ALKBH8: variants seen among roughly 807,000 people sequenced by gnomAD.
ALKBH8 encodes tRNA (carboxymethyluridine(34)-5-O)-methyltransferase ALKBH8.
In ALKBH8, 36 loss-of-function variants were observed where a neutral mutation model predicts 59.8. The observed-to-expected ratio is 0.60, with a 90% CI of 0.46 to 0.79. ALKBH8 has a LOEUF of 0.79. Among genes scored for constraint, ALKBH8 ranks in the 30% least tolerant of loss-of-function variants. The pLI is 0.00. For synonymous variants in ALKBH8, 276 were observed against 273.6 expected (o/e 1.01, Z -0.09); for missense variants, 768 against 801.0 (o/e 0.96, Z 0.50).
At chr11:107,528,062 C>T (rs1298518287) in intron 8 of ALKBH8, among the ~76,000 whole-genome samples, 1 of 152,054 alleles carries the variant, frequency 6.6e-6, no homozygotes, top group Non-Finnish European at 1.5e-5. Flanking sequence ...TTGCATCAAT[C>T]AAGATGATTA....
At chr11:107,523,253 T>C (rs1784274) in intron 9 of ALKBH8, among the ~76,000 whole-genome samples, 81,172 of 151,876 alleles carry the variant, frequency 0.53, 22,326 homozygotes, top group African/African-American at 0.57. Flanking sequence ...ATGGTACATA[T>C]ACACAACAGA....
intron 7 of ALKBH8, among the ~76,000 whole-genome samples, chr11:107,540,534 C>T (rs541401552): frequency 1.3e-5 from 2 of 152,274 alleles, no homozygotes; most frequent in African/African-American, 2.4e-5. Flanking sequence ...AAAGAAAATG[C>T]TAAATTGGAG....
intron 5 of ALKBH8, among the ~76,000 whole-genome samples, chr11:107,552,670 T>C (rs928706449): frequency 1.3e-5 from 2 of 152,202 alleles, no homozygotes; most frequent in African/African-American, 4.8e-5. Context: ...AATTTGTCAG[T>C]ATCAATTAAC....
chr11:107,565,428 C>T, intron 1 of ALKBH8, 173 bp downstream of exon 1: 1 of 815,740 alleles, frequency 1.2e-6, no homozygotes, highest in Non-Finnish European at 1.9e-6. Context: ...AGAGAACCAC[C>T]CAACGCAGAC....
intron 1 of ALKBH8, chr11:107,565,179 C>A (rs1865081438): frequency 1.1e-5 from 2 of 183,478 alleles, no homozygotes; most frequent in South Asian, 3.1e-4. Flanking sequence ...CCAGGAGTCG[C>A]AGGGATTGCT....
intron 6 of ALKBH8, among the ~76,000 whole-genome samples, chr11:107,551,419 C>T (rs779709807): frequency 7.2e-5 from 11 of 152,172 alleles, no homozygotes; most frequent in South Asian, 4.2e-4. Context: ...CTTGGCTGGG[C>T]GCGGTGGCTC....
rs1278739889 is a variant in ALKBH8 at position 107,511,062 on chromosome 11, C to G, written c.1288-26G>C. On this transcript the variant is annotated intron_variant, in intron 10 of 11. Transcript: ENST00000428149. The stretch of plus-strand genomic sequence containing the variant: ...CTGTAACAGAGAAGGAATTCCATAA[C>G]ATTTTGTTTAAATTTCACATGAAAT... 31 of 1,549,996 alleles carry G rather than the reference C, an allele frequency of 2.0e-5. No individual in the cohort carries two copies. The East Asian group carries it at 7.6e-4, about 38-fold the overall frequency.
intron 10 of ALKBH8, among the ~76,000 whole-genome samples, chr11:107,521,966 T>C (rs990179176): frequency 6.6e-6 from 1 of 152,152 alleles, no homozygotes; most frequent in Non-Finnish European, 1.5e-5. Context: ...ATCAGCTTTA[T>C]CTTCTTCATA....
intron 7 of ALKBH8, among the ~76,000 whole-genome samples, chr11:107,533,293 G>A (rs1463327182): frequency 2.0e-5 from 3 of 152,110 alleles, no homozygotes; most frequent in Non-Finnish European, 2.9e-5. Flanking sequence ...ACAACCAACT[G>A]TAAGTGGGAC....
chr11:107,550,911 C>A (rs1424342850), intron 6 of ALKBH8, among the ~76,000 whole-genome samples: 4 of 152,142 alleles, frequency 2.6e-5, no homozygotes, highest in African/African-American at 9.7e-5. Flanking sequence ...GCACCTTGAT[C>A]TTGAACTTCC....
In ALKBH8 at chr11:107,556,943, C is replaced by T; in HGVS notation, c.190G>A (p.Val64Ile). 1 of 1,610,970 alleles carries T rather than the reference C, an allele frequency of 6.2e-7. No individual in the cohort carries two copies. The highest frequency in any genetic ancestry group is 8.5e-7 in the Non-Finnish European group (1 of 1,178,494). The change falls in exon 3 of 12, where the codon GTT (valine) becomes ATT (isoleucine). Residue 64 changes from valine to isoleucine, a missense_variant. Transcript: ENST00000428149. The stretch of plus-strand genomic sequence containing the variant: ...TCCACCAGTCCACATTTCTCTAAAA[C>T]CGGGAGCAGCTGGTTCCGACTCACA... ...NGVSRNQLLP[V>I]LEKCGLVDAL...
intron 8 of ALKBH8, among the ~76,000 whole-genome samples, chr11:107,525,888 G>A (rs1327551629): frequency 6.6e-6 from 1 of 151,624 alleles, no homozygotes; most frequent in Non-Finnish European, 1.5e-5. Context: ...ATGCCAAGAG[G>A]AAACAAATAG....
chr11:107,518,286 T>C (rs554848336), intron 10 of ALKBH8, among the ~76,000 whole-genome samples: 56 of 152,328 alleles, frequency 3.7e-4, no homozygotes, highest in African/African-American at 1.3e-3. Context: ...AAATGATAGT[T>C]ATTTATGTAT....
chr11:107,555,932 G>A (rs989008139), intron 3 of ALKBH8, among the ~76,000 whole-genome samples: 1 of 152,176 alleles, frequency 6.6e-6, no homozygotes, highest in African/African-American at 2.4e-5. Context: ...GGGCAGCACA[G>A]ACAGGAACAT....
At chr11:107,520,393 T>C (rs1014322757) in intron 10 of ALKBH8, among the ~76,000 whole-genome samples, 5 of 152,230 alleles carry the variant, frequency 3.3e-5, no homozygotes, top group African/African-American at 1.2e-4. Context: ...GTTCGTTTTC[T>C]GTTTATCAAG....
At chr11:107,526,559 A>G (rs866354955) in intron 8 of ALKBH8, among the ~76,000 whole-genome samples, 2 of 152,012 alleles carry the variant, frequency 1.3e-5, no homozygotes, top group African/African-American at 4.8e-5. Flanking sequence ...TGGTATCTTT[A>G]GATGAGCAGA....
At chr11:107,540,836 CTTTG>C (rs1166745464) in intron 7 of ALKBH8, among the ~76,000 whole-genome samples, 3 of 152,058 alleles carry the variant, frequency 2.0e-5, no homozygotes, top group African/African-American at 7.2e-5. Flanking sequence ...TAAATTGTAT[CTTTG>C]TTTACTTGTT....
chr11:107,538,432 C>T (rs567811748), intron 7 of ALKBH8, among the ~76,000 whole-genome samples: 63 of 152,274 alleles, frequency 4.1e-4, no homozygotes, highest in African/African-American at 1.5e-3. Context: ...TCCCCTGAAA[C>T]TGCTGAATCA....
chr11:107,538,822 T>A (rs976273755), intron 7 of ALKBH8, among the ~76,000 whole-genome samples: 1 of 152,202 alleles, frequency 6.6e-6, no homozygotes, highest in Non-Finnish European at 1.5e-5. Context: ...TGATCCTTAA[T>A]GGTTAGAAAG....
Sources: gnomAD v4.1 joint callset for allele counts (sites outside exome capture counted in the v4.1 genomes callset) on GRCh38, gnomAD v4.1.1 for gene constraint, MANE v1.5 for transcripts, NCBI Gene and HGNC (gene_info 2026-07-23, HGNC 2026-07-21) for gene names.